The following ZNF43 variants were observed in gnomAD, a reference collection of about 807,000 sequenced individuals.
The protein encoded by ZNF43 is zinc finger protein 43, also known as zinc finger protein 39-like 1 (KOX 27).
ZNF43 carries 44 observed loss-of-function variants against 68.4 expected under a neutral mutation model. That is an observed-to-expected ratio of 0.64 (90% CI 0.51 to 0.83). The LOEUF (loss-of-function observed/expected upper bound fraction) is 0.83. Ranked by LOEUF, ZNF43 falls within the 40% of genes least tolerant of loss-of-function variation. The pLI is 0.00. For synonymous variants in ZNF43, 308 were observed against 307.8 expected, an observed-to-expected ratio of 1.00 and a Z score of -0.01; for missense variants, 896 against 933.2, an observed-to-expected ratio of 0.96 and a Z score of 0.52.
intron 1 of ZNF43, among the ~76,000 whole-genome samples, chr19:21,826,739 G>C: frequency 6.6e-6 from 1 of 151,836 alleles, no homozygotes. Context: ...AGGAGGCTGA[G>C]GCAGGGGAAT....
rs1260419797 is a variant in ZNF43 at position 21,805,236 on chromosome 19, C to G, written c.*2371G>C. On this transcript the variant is annotated 3_prime_UTR_variant, in exon 4 of 4. Coordinates refer to ENST00000354959, the MANE Select transcript of ZNF43 (RefSeq NM_003423.4). The stretch of plus-strand genomic sequence containing the variant: ...GTCCCAGAACTCTGGGAGGCCGAGG[C>G]AGGCAGATCATGAGGTCAGAAGATC... 6.6e-6 allele frequency: 1 copy of G among 151,606 alleles called. No individual in the cohort carries two copies. 9.4% of individuals were successfully genotyped at this position (151,606 alleles called of 1,614,324 possible).
chr19:21,808,726 C>G lies in ZNF43; in HGVS notation c.1311G>C (p.Trp437Cys). Residue 437 changes from tryptophan (W) to cysteine (C), a missense_variant, in exon 4 of 4, where the codon TGG (tryptophan) becomes TGC (cysteine). Trp to Cys is a radical substitution (Grantham distance 215, BLOSUM62 -2). Transcript: ENST00000354959. ...TGTTATGTTTAGTAAGGGTTGAGGG[C>G]CAGTTAAAGGCTTTGCCACATTCTT... ...KCEECGKAFN[W>C]PSTLTKHNRI... 6.2e-7 allele frequency: 1 copy of G among 1,610,066 alleles called. No homozygotes were observed. The highest frequency in any genetic ancestry group is 8.5e-7 in the Non-Finnish European group (1 of 1,179,148).
At chr19:21,835,973 G>A in intron 1 of ZNF43, 63 bp downstream of exon 1, 1 of 1,611,280 alleles carries the variant, frequency 6.2e-7, no homozygotes, top group Non-Finnish European at 8.5e-7. Flanking sequence ...AGCTGACTGC[G>A]GGAAGGCCTG....
chr19:21,843,367 G>T, intron 1 of ZNF43: 1 of 985,282 alleles, frequency 1.0e-6, no homozygotes, highest in Non-Finnish European at 1.2e-6. Flanking sequence ...AGTTCTTCAC[G>T]TGTCTTCATT....
intron 1 of ZNF43, among the ~76,000 whole-genome samples, chr19:21,848,731 C>T (rs936522494): frequency 4.6e-5 from 7 of 152,156 alleles, no homozygotes; most frequent in Non-Finnish European, 1.0e-4. Context: ...TCAATTAATC[C>T]CGTACAGGTC....
chr19:21,842,513 G>C (rs776322218), intron 1 of ZNF43, among the ~76,000 whole-genome samples: 3 of 151,662 alleles, frequency 2.0e-5, no homozygotes, highest in Admixed American at 6.6e-5. Context: ...CAAAAAATAT[G>C]GCACAATATT....
chr19:21,840,140 T>A (rs1184310989), upstream of ZNF43: 1 of 152,174 alleles, frequency 6.6e-6, no homozygotes, highest in Non-Finnish European at 1.5e-5. Context: ...CCCATGAAGA[T>A]AGGGCACAGG....
rs2037095060 is a variant in ZNF43, at chr19:21,808,630, A to G, written c.1407T>C (p.Leu469=). The G allele has an allele frequency of 6.2e-7, 1 of 1,613,410 alleles. No individual in the cohort carries two copies. Among genetic ancestry groups the G allele is most frequent in the East Asian group, 2.2e-5 (1 of 44,850 alleles). ...CAGTATGAATTCTCTTATGTGTAGTAAGGTTTGAGAACTGGTTAAAGGCTT... is the reference window on the plus strand; with the variant it reads ...CAGTATGAATTCTCTTATGTGTAGTGAGGTTTGAGAACTGGTTAAAGGCTT... ...CGKAFNQFSN[L]TTHKRIHTAE... is the part of the protein sequence containing the mutation. Residue 469 remains leucine (L), a synonymous_variant, in exon 4 of 4, where the codon CTT becomes CTC. Coordinates refer to ENST00000354959, the MANE Select transcript of ZNF43 (RefSeq NM_003423.4).
chr19:21,840,418 G>A (rs937367764), upstream of ZNF43: 4 of 152,232 alleles, frequency 2.6e-5, no homozygotes, highest in African/African-American at 9.6e-5. Flanking sequence ...GTCAACACAT[G>A]TTGTATGTTG....
intron 1 of ZNF43, among the ~76,000 whole-genome samples, chr19:21,822,606 C>T (rs1450311479): frequency 6.6e-6 from 1 of 151,874 alleles, no homozygotes; most frequent in Non-Finnish European, 1.5e-5. Flanking sequence ...GAGATCGAGA[C>T]CATCCTGGCT....
At chr19:21,849,488 CAAAAAAAAAAA>C (rs35354919) in intron 1 of ZNF43, among the ~76,000 whole-genome samples, 4 of 29,498 alleles carry the variant, frequency 1.4e-4, no homozygotes, top group Non-Finnish European at 2.6e-4. Flanking sequence ...AACCCTGCCT[CAAAAAAAAAAA>C]AAAAAAAAAA....
At chr19:21,852,033 G>T in exon 1 of ZNF43, 1 of 1,375,150 alleles carries the variant, frequency 7.3e-7, no homozygotes, top group South Asian at 1.3e-5. Flanking sequence ...GAAAAGCAGA[G>T]GCGGGTCCCA....
intron 3 of ZNF43, 38 bp downstream of exon 3, chr19:21,817,850 C>T: frequency 6.3e-7 from 1 of 1,582,418 alleles, no homozygotes; most frequent in Non-Finnish European, 8.7e-7. Context: ...TTGGACTTCT[C>T]ATCTGTGTTT....
chr19:21,812,808 G>A (rs949458832), intron 3 of ZNF43, among the ~76,000 whole-genome samples: 9 of 152,046 alleles, frequency 5.9e-5, no homozygotes, highest in East Asian at 3.9e-4. Flanking sequence ...AAAATTAGCC[G>A]GGCATAGTGG....
At chr19:21,847,201 G>C (rs1417097751) in intron 1 of ZNF43, among the ~76,000 whole-genome samples, 1 of 152,154 alleles carries the variant, frequency 6.6e-6, no homozygotes, top group Non-Finnish European at 1.5e-5. Flanking sequence ...GGCAGAAGAG[G>C]AGAGTCACAT....
Position 21,844,304 on chromosome 19 carries a change from G to A in ZNF43, c.30+7601C>T, listed in dbSNP as rs556347081. On this transcript the variant is annotated intron_variant, in intron 1 of 3. Transcript: ENST00000357491. ...GTGGAGGTTGCAGTAAGGTGAGCTC[G>A]TGCCACTGTACTCCAGCCTGAGTGA... Among the ~76,000 whole-genome samples the A allele has an allele frequency of 2.6e-4, 37 of 141,918 alleles. 1 individual carries two copies. The South Asian group carries it at 8.1e-3, about 31-fold the overall frequency. 93.1% of individuals were successfully genotyped at this position (141,918 alleles called of 152,430 possible). A position where few individuals can be genotyped will look rare whatever the true frequency, so the allele number is the denominator to read the frequency against.
At chr19:21,849,005 A>G (rs1407056735) in intron 1 of ZNF43, among the ~76,000 whole-genome samples, 1 of 152,184 alleles carries the variant, frequency 6.6e-6, no homozygotes, top group Non-Finnish European at 1.5e-5. Flanking sequence ...CACATATAAC[A>G]GCCACAATTT....
intron 1 of ZNF43, chr19:21,826,791 G>C (rs906674205): frequency 6.7e-6 from 1 of 150,324 alleles, no homozygotes; most frequent in African/African-American, 2.5e-5. Context: ...AGCCGAGATC[G>C]CGCCACTGCA....
At chr19:21,838,399 A>ATTT (rs11397819), upstream of ZNF43, among the ~76,000 whole-genome samples, 1 of 132,556 alleles carries the variant, frequency 7.5e-6, no homozygotes. Context: ...CCCATTCTAA[A>ATTT]TTTTTTTTTT....
Sources: gnomAD v4.1 joint callset for allele counts (sites outside exome capture counted in the v4.1 genomes callset) on GRCh38, gnomAD v4.1.1 for gene constraint, MANE v1.5 for transcripts, NCBI Gene and HGNC (gene_info 2026-07-23, HGNC 2026-07-21) for gene names.